Variants in NECAB1 observed in about 807,000 individuals in gnomAD.
The protein encoded by NECAB1 is N-terminal EF-hand calcium binding protein 1, also known as N-terminal EF-hand calcium-binding protein 1.
A neutral mutation model predicts 57.5 loss-of-function variants in NECAB1; 29 were observed. The ratio of observed to expected loss-of-function variants is 0.50; its 90% CI spans 0.38 to 0.69. The LOEUF is 0.69. Among genes scored for constraint, NECAB1 ranks in the 30% least tolerant of loss-of-function variants. The pLI is 0.00. For synonymous variants in NECAB1, 142 were observed against 147.7 expected (o/e 0.96, Z 0.28); for missense variants, 372 against 413.8 (o/e 0.90, Z 0.88).
At chr8:90,947,207 T>C (rs759850567) in intron 10 of NECAB1, among the ~76,000 whole-genome samples, 1 of 151,970 alleles carries the variant, frequency 6.6e-6, no homozygotes, top group Non-Finnish European at 1.5e-5. Flanking sequence ...TCTGTTAGCT[T>C]TGCTTCTTAG....
At chr8:90,885,434 C>T (rs1318357278) in intron 5 of NECAB1, among the ~76,000 whole-genome samples, 1 of 152,186 alleles carries the variant, frequency 6.6e-6, no homozygotes, top group Non-Finnish European at 1.5e-5. Flanking sequence ...TCTTTCCTGC[C>T]AGACTAGGGC....
chr8:90,870,959 C>G (rs1041288567), intron 3 of NECAB1, among the ~76,000 whole-genome samples: 1 of 151,844 alleles, frequency 6.6e-6, no homozygotes, highest in East Asian at 1.9e-4. Flanking sequence ...TATAATTTAT[C>G]TAAGATCAAG....
chr8:90,887,156 C>T (rs1395612509), intron 5 of NECAB1, among the ~76,000 whole-genome samples: 13 of 152,136 alleles, frequency 8.5e-5, no homozygotes, highest in Non-Finnish European at 1.9e-4. Context: ...ACATCGAGAA[C>T]CTCTGCACTG....
At chr8:90,955,386 A>C in intron 12 of NECAB1, 101 bp from the exon 13 acceptor site, 1 of 821,532 alleles carries the variant, frequency 1.2e-6, no homozygotes, top group Non-Finnish European at 2.0e-6. Context: ...ATGCAGACTA[A>C]AGGTAAGGGG....
At chr8:90,841,314 T>C (rs547418382) in intron 3 of NECAB1, among the ~76,000 whole-genome samples, 6 of 150,968 alleles carry the variant, frequency 4.0e-5, no homozygotes, top group African/African-American at 1.5e-4. Flanking sequence ...CATTGGAAAA[T>C]AGTGCATAGA....
At chr8:90,913,408 A>G (rs1222006597) in intron 5 of NECAB1, among the ~76,000 whole-genome samples, 3 of 152,176 alleles carry the variant, frequency 2.0e-5, no homozygotes, top group Non-Finnish European at 4.4e-5. Context: ...TCTGAGAAGT[A>G]TAACGTTAAC....
At chr8:90,904,867 G>A (rs1370727893) in intron 5 of NECAB1, among the ~76,000 whole-genome samples, 3 of 152,070 alleles carry the variant, frequency 2.0e-5, no homozygotes, top group African/African-American at 7.2e-5. Context: ...AATGGTGCTA[G>A]AAAAATGACT....
intron 5 of NECAB1, among the ~76,000 whole-genome samples, chr8:90,907,907 T>C (rs1432496686): frequency 6.6e-6 from 1 of 152,212 alleles, no homozygotes; most frequent in Non-Finnish European, 1.5e-5. Context: ...AGTTTTCACA[T>C]ATTTATAAAC....
chr8:90,902,879 C>T (rs550849673), intron 5 of NECAB1, among the ~76,000 whole-genome samples: 205 of 151,554 alleles, frequency 1.4e-3, no homozygotes, highest in Non-Finnish European at 2.5e-3. Context: ...AACATTAACT[C>T]GGAAATAATT....
intron 12 of NECAB1, among the ~76,000 whole-genome samples, chr8:90,951,943 T>C (rs1045614592): frequency 6.6e-5 from 10 of 152,072 alleles, no homozygotes; most frequent in African/African-American, 1.7e-4. Context: ...TTTGGTAAAT[T>C]TGGACATGAA....
intron 3 of NECAB1, among the ~76,000 whole-genome samples, chr8:90,855,579 A>T (rs748503474): frequency 6.6e-6 from 1 of 152,222 alleles, no homozygotes; most frequent in African/African-American, 2.4e-5. Context: ...CCTTCCATCT[A>T]TAATCAGGAA....
chr8:90,895,880 ACTCC>A (rs1463085873), intron 5 of NECAB1, among the ~76,000 whole-genome samples: 1 of 152,100 alleles, frequency 6.6e-6, no homozygotes, highest in African/African-American at 2.4e-5. Flanking sequence ...GTAACTTTCT[ACTCC>A]CTTTTATGTT....
intron 5 of NECAB1, among the ~76,000 whole-genome samples, chr8:90,902,768 G>A (rs1200655577): frequency 1.3e-5 from 2 of 151,890 alleles, no homozygotes; most frequent in Non-Finnish European, 2.9e-5. Flanking sequence ...CCTGTAGGAG[G>A]GCAAACTTAG....
At chr8:90,933,653 C>G (rs866933479) in intron 8 of NECAB1, among the ~76,000 whole-genome samples, 2 of 151,866 alleles carry the variant, frequency 1.3e-5, no homozygotes, top group Non-Finnish European at 2.9e-5. Flanking sequence ...ACGGGTGCAC[C>G]AACATCTCAC....
At chr8:90,833,203 T>C (rs950024322) in intron 3 of NECAB1, among the ~76,000 whole-genome samples, 2 of 152,128 alleles carry the variant, frequency 1.3e-5, no homozygotes, top group East Asian at 3.9e-4. Context: ...CTTTTAGACT[T>C]AGTTCCTGCC....
chr8:90,941,995 G>GTATATGTGTGCA (rs984168935), intron 10 of NECAB1, among the ~76,000 whole-genome samples: 2 of 152,172 alleles, frequency 1.3e-5, no homozygotes, highest in African/African-American at 2.4e-5. Flanking sequence ...GTATGTGTGT[G>GTATATGTGTGCA]TACATGTGTG....
intron 9 of NECAB1, among the ~76,000 whole-genome samples, chr8:90,935,536 G>T (rs1054355570): frequency 6.6e-6 from 1 of 152,038 alleles, no homozygotes; most frequent in Non-Finnish European, 1.5e-5. Flanking sequence ...TAAGAATAGC[G>T]GATTTGTGCA....
intron 10 of NECAB1, among the ~76,000 whole-genome samples, chr8:90,947,760 C>T (rs1810845480): frequency 6.6e-6 from 1 of 152,094 alleles, no homozygotes; most frequent in Non-Finnish European, 1.5e-5. Context: ...ATAAGGAAAC[C>T]GAGGTTGAGT....
chr8:90,940,664 T>G (rs1239560270), intron 9 of NECAB1, 122 bp from the exon 10 acceptor site: 1 of 698,226 alleles, frequency 1.4e-6, no homozygotes, highest in African/African-American at 1.8e-5. Flanking sequence ...TGGCCTTCCT[T>G]GGTCATATTT....
Sources: gnomAD v4.1 joint callset for allele counts (sites outside exome capture counted in the v4.1 genomes callset) on GRCh38, gnomAD v4.1.1 for gene constraint, MANE v1.5 for transcripts, NCBI Gene and HGNC (gene_info 2026-07-23, HGNC 2026-07-21) for gene names.